CWH43: variants seen among roughly 807,000 people sequenced by gnomAD.
The protein encoded by CWH43 is cell wall biogenesis 43 C-terminal homolog.
CWH43 carries 91 observed loss-of-function variants against 85.7 expected under a neutral mutation model. That is an observed-to-expected ratio of 1.06 (90% confidence interval 0.90 to 1.26). CWH43 has a LOEUF of 1.26. CWH43 is among the 50% of genes most tolerant of loss of function. The pLI, the probability that CWH43 is intolerant of heterozygous loss-of-function variation, is 0.00. For missense variants in CWH43, 869 were observed against 839.2 expected (o/e 1.04, Z -0.44); for synonymous variants, 323 against 293.6 (o/e 1.10, Z -1.02).
At chr4:49,031,531 G>A (rs1427163583) in intron 11 of CWH43, among the ~76,000 whole-genome samples, 1 of 152,096 alleles carries the variant, frequency 6.6e-6, no homozygotes, top group Non-Finnish European at 1.5e-5. Flanking sequence ...AAGAGCAACT[G>A]GTAAGAAAGG....
intron 8 of CWH43, among the ~76,000 whole-genome samples, chr4:49,009,824 G>T (rs775970274): frequency 1.3e-5 from 2 of 152,134 alleles, no homozygotes; most frequent in Non-Finnish European, 2.9e-5. Flanking sequence ...CAGGGATGAA[G>T]CTAACTTGAT....
chr4:49,041,815 A>T (rs1226958647), intron 13 of CWH43, among the ~76,000 whole-genome samples: 1 of 152,180 alleles, frequency 6.6e-6, no homozygotes, highest in Non-Finnish European at 1.5e-5. Flanking sequence ...GGCCAAGAGC[A>T]TATGCCAGTT....
chr4:48,987,339 C>CA (rs1427732948), intron 1 of CWH43, among the ~76,000 whole-genome samples: 1 of 152,072 alleles, frequency 6.6e-6, no homozygotes. Context: ...TTAATCCTCC[C>CA]AACAACACTG....
intron 14 of CWH43, among the ~76,000 whole-genome samples, chr4:49,050,281 A>T (rs1784752415): frequency 6.6e-6 from 1 of 152,200 alleles, no homozygotes; most frequent in Admixed American, 6.5e-5. Flanking sequence ...AAAATCTTTG[A>T]TTTCAGACTT....
At position 48,992,944 on chromosome 4, in the gene CWH43, CTCTG is replaced by C. The variant is rs1404583794; in HGVS notation, c.511+859_511+862del. ...GATGTTAATAGTAGAAGACTTAGAA[CTCTG>C]TCTGGTCCCCTAACTTATGTTTTAC... On this transcript the variant is annotated intron_variant, in intron 4 of 15. Coordinates refer to ENST00000226432, the MANE Select transcript of CWH43 (RefSeq NM_025087.3). The surrounding 1 kb of genome is among the most constrained non-coding windows in gnomAD (Gnocchi z 4.3). Among the ~76,000 whole-genome samples the C allele has an allele frequency of 2.0e-5, 3 of 152,196 alleles. No individual in the cohort carries two copies. The highest frequency in any genetic ancestry group is 3.2e-3 in the Middle Eastern group (1 of 316).
intron 13 of CWH43, among the ~76,000 whole-genome samples, chr4:49,040,380 T>A (rs1305941355): frequency 2.0e-5 from 3 of 152,206 alleles, no homozygotes; most frequent in African/African-American, 7.2e-5. Flanking sequence ...AAAGTGTTCC[T>A]ATTTCTCCAC....
At chr4:49,032,903 G>GT (rs1454905315) in intron 12 of CWH43, among the ~76,000 whole-genome samples, 188 bp downstream of exon 12, 2 of 152,214 alleles carry the variant, frequency 1.3e-5, no homozygotes, top group African/African-American at 4.8e-5. Flanking sequence ...TAGTGCTGGT[G>GT]TAGGGACAGG....
chr4:49,053,524 T>A (rs1354011165), intron 15 of CWH43, among the ~76,000 whole-genome samples: 1 of 152,158 alleles, frequency 6.6e-6, no homozygotes, highest in African/African-American at 2.4e-5. Flanking sequence ...CGCTTTTAAT[T>A]TGTATTTCTT....
chr4:49,003,812 A>C lies in CWH43; in HGVS notation c.880A>C (p.Thr294Pro), dbSNP rs1783070061. The change falls in exon 7 of 16, where the codon ACT becomes CCT. Residue 294 changes from threonine (T) to proline (P), a missense_variant. By Grantham distance (38) the Thr-to-Pro change is conservative (BLOSUM62 -1). Coordinates refer to ENST00000226432, the MANE Select transcript of CWH43 (RefSeq NM_025087.3). ...GTCTGGCTGTGTCTTCGCCATCTTT[A>C]CTGCATCCATGTGGCCCCAAACACT... ...AVSGCVFAIF[T>P]ASMWPQTLGH... is the part of the protein sequence containing the mutation. The C allele has an allele frequency of 6.2e-7, 1 of 1,613,980 alleles. No individual in the cohort carries two copies. Among genetic ancestry groups the C allele is most frequent in the East Asian group, 2.2e-5 (1 of 44,874 alleles).
intron 9 of CWH43, among the ~76,000 whole-genome samples, chr4:49,023,208 G>T (rs1783805405): frequency 6.6e-6 from 1 of 152,020 alleles, no homozygotes. Context: ...TGCCTTTGTT[G>T]TATCCCAGAG....
intron 5 of CWH43, among the ~76,000 whole-genome samples, chr4:48,995,409 C>T (rs1291498063): frequency 6.6e-6 from 1 of 152,184 alleles, no homozygotes; most frequent in South Asian, 2.1e-4. Context: ...CTCTGCTCTT[C>T]CTGACACATC....
chr4:49,002,913 C>A (rs1379536312), intron 6 of CWH43, among the ~76,000 whole-genome samples: 1 of 152,158 alleles, frequency 6.6e-6, no homozygotes, highest in African/African-American at 2.4e-5. Flanking sequence ...AGAGCCTGCT[C>A]TAGCTACCCT....
intron 15 of CWH43, among the ~76,000 whole-genome samples, chr4:49,052,950 C>T (rs745524587): frequency 6.6e-6 from 1 of 152,128 alleles, no homozygotes; most frequent in Non-Finnish European, 1.5e-5. Flanking sequence ...ACCCTCATCT[C>T]CCCCAGCCCC....
At chr4:49,049,574 G>T (rs1784734087) in intron 14 of CWH43, among the ~76,000 whole-genome samples, 1 of 151,920 alleles carries the variant, frequency 6.6e-6, no homozygotes, top group African/African-American at 2.4e-5. Flanking sequence ...ACAAACTGAG[G>T]TCTTCATAGT....
intron 15 of CWH43, among the ~76,000 whole-genome samples, chr4:49,052,206 A>C (rs1412889819): frequency 6.6e-6 from 1 of 152,102 alleles, no homozygotes; most frequent in Non-Finnish European, 1.5e-5. Context: ...TCCTGTATTG[A>C]TCTTGCCCTG....
rs763205930 is a variant in CWH43 at position 49,044,827 on chromosome 4, T to C, written c.1845T>C (p.Ile615=). 6.2e-7 allele frequency: 1 copy of C among 1,613,228 alleles called. No homozygotes were observed. Among genetic ancestry groups the C allele is most frequent in the South Asian group, 1.1e-5 (1 of 91,038 alleles). ...ATCATGACAGATGGTGTGAATACATTATGTATCGAGGGCTGATCAGGTGAG... is the reference window on the plus strand; with the variant it reads ...ATCATGACAGATGGTGTGAATACATCATGTATCGAGGGCTGATCAGGTGAG... ...STDHDRWCEY[I]MYRGLIRLGY... Residue 615 remains isoleucine, a synonymous_variant, in exon 14 of 16, where the codon ATT becomes ATC. Coordinates refer to ENST00000226432, the MANE Select transcript of CWH43 (RefSeq NM_025087.3).
intron 8 of CWH43, among the ~76,000 whole-genome samples, chr4:49,014,368 A>T (rs1232788141): frequency 6.6e-6 from 1 of 151,682 alleles, no homozygotes; most frequent in Non-Finnish European, 1.5e-5. Context: ...GGCGAGGGTG[A>T]AGTGGGAGGA....
intron 11 of CWH43, among the ~76,000 whole-genome samples, chr4:49,032,249 G>T (rs1243210033): frequency 6.6e-6 from 1 of 152,154 alleles, no homozygotes; most frequent in Non-Finnish European, 1.5e-5. Flanking sequence ...TATTAGAATT[G>T]TTTATGCAAA....
At chr4:49,007,398 A>G (rs1312111873) in intron 8 of CWH43, 72 bp downstream of exon 8, 45 of 1,402,556 alleles carry the variant, frequency 3.2e-5, no homozygotes, top group Non-Finnish European at 3.8e-5. Flanking sequence ...TAAAGAGTAT[A>G]ATGATCCCTC....
Sources: allele counts gnomAD v4.1 joint callset (sites outside exome capture counted in the v4.1 genomes callset), GRCh38; gene constraint gnomAD v4.1.1; non-coding constraint Gnocchi (gnomAD v3.1); transcripts MANE v1.5; gene names NCBI Gene and HGNC (gene_info 2026-07-23, HGNC 2026-07-21).